RBMS1: variants seen among roughly 807,000 people sequenced by gnomAD.
RBMS1 encodes the protein RNA-binding motif, single-stranded-interacting protein 1.
A neutral mutation model predicts 62.3 loss-of-function variants in RBMS1; 17 were observed. The observed-to-expected ratio is 0.27, with a 90% CI of 0.19 to 0.41. The LOEUF (loss-of-function observed/expected upper bound fraction) is 0.41. Among genes scored for constraint, RBMS1 ranks in the 10% least tolerant of loss-of-function variants. The pLI, the probability that RBMS1 is intolerant of heterozygous loss-of-function variation, is 1.00. For synonymous variants in RBMS1, 172 were observed against 170.0 expected, an observed-to-expected ratio of 1.01 and a Z score of -0.09; for missense variants, 334 against 504.5, an observed-to-expected ratio of 0.66 and a Z score of 3.24.
chr2:160,297,193 A>C (rs1428021934), intron 6 of RBMS1, among the ~76,000 whole-genome samples: 1 of 152,192 alleles, frequency 6.6e-6, no homozygotes, highest in Non-Finnish European at 1.5e-5. Context: ...GATGACTAAA[A>C]TTACAGGGGA....
intron 9 of RBMS1, chr2:160,282,317 AAAGTT>A: frequency 1.5e-6 from 2 of 1,367,804 alleles, no homozygotes; most frequent in South Asian, 2.3e-5. Flanking sequence ...AAGGCAGACC[AAAGTT>A]AAGTGCTTCT....
chr2:160,365,155 C>T (rs185840225), intron 2 of RBMS1, among the ~76,000 whole-genome samples: 3 of 152,282 alleles, frequency 2.0e-5, no homozygotes, highest in Non-Finnish European at 4.4e-5. Flanking sequence ...CATTCTAAGG[C>T]ACGAAACTCT....
intron 1 of RBMS1, among the ~76,000 whole-genome samples, chr2:160,412,123 G>T (rs1273951474): frequency 6.6e-6 from 1 of 152,154 alleles, no homozygotes; most frequent in African/African-American, 2.4e-5. Flanking sequence ...AAGCCAGGAG[G>T]TGTATACCAA....
chr2:160,367,162 ATAT>A, intron 2 of RBMS1, 51 bp downstream of exon 2: 1 of 1,548,212 alleles, frequency 6.5e-7, no homozygotes, highest in Non-Finnish European at 8.9e-7. Context: ...TCACTCTATA[ATAT>A]GATCAAGAAA....
intron 1 of RBMS1, among the ~76,000 whole-genome samples, chr2:160,426,272 A>AG (rs1326270401): frequency 7.9e-6 from 1 of 127,328 alleles, no homozygotes; most frequent in Admixed American, 8.4e-5. Flanking sequence ...AAAGAAAGAA[A>AG]GAAAGAAAGA....
chr2:160,427,413 G>A (rs1451608729), intron 1 of RBMS1, among the ~76,000 whole-genome samples: 1 of 152,030 alleles, frequency 6.6e-6, no homozygotes, highest in Non-Finnish European at 1.5e-5. Flanking sequence ...AATAGGTAAA[G>A]AGAACTGAGT....
chr2:160,362,827 T>A (rs911267190), intron 2 of RBMS1, among the ~76,000 whole-genome samples: 1 of 152,056 alleles, frequency 6.6e-6, no homozygotes, highest in Non-Finnish European at 1.5e-5. Context: ...GAGGTATGCC[T>A]GTACCCCTTC....
At chr2:160,426,779 T>G (rs1159199619) in intron 1 of RBMS1, among the ~76,000 whole-genome samples, 1 of 152,164 alleles carries the variant, frequency 6.6e-6, no homozygotes, top group Non-Finnish European at 1.5e-5. Flanking sequence ...TCATTCCGGG[T>G]GACTTCTAAA....
intron 2 of RBMS1, among the ~76,000 whole-genome samples, chr2:160,333,889 G>A (rs1302819467): frequency 1.3e-5 from 2 of 151,856 alleles, no homozygotes; most frequent in African/African-American, 2.4e-5. Flanking sequence ...TCAGAGAGAT[G>A]AAGCCCCATA....
In RBMS1 at chr2:160,493,364, G is replaced by A. The variant is rs1276153986; in HGVS notation, c.-1C>T. On this transcript the variant is annotated 5_prime_UTR_variant, in exon 1 of 14. Coordinates refer to ENST00000348849, the MANE Select transcript of RBMS1 (RefSeq NM_016836.4). ...TCTGCTGTTTCCACACTTTGCCCAT[G>A]AAGCTGGAAGGGAGCCTGCCGTGCA... is the stretch of plus-strand genomic sequence containing the variant. 1.2e-6 allele frequency: 2 copies of A among 1,613,258 alleles called. No individual in the cohort carries two copies. Among genetic ancestry groups the A allele is most frequent in the South Asian group, 2.2e-5 (2 of 91,064 alleles).
chr2:160,433,612 G>T (rs994860551), intron 1 of RBMS1, among the ~76,000 whole-genome samples: 2 of 152,178 alleles, frequency 1.3e-5, no homozygotes, highest in Admixed American at 1.3e-4. Flanking sequence ...TTTACATACA[G>T]TATGTCAATG....
chr2:160,350,590 A>T (rs1328775124), intron 2 of RBMS1, among the ~76,000 whole-genome samples: 1 of 152,154 alleles, frequency 6.6e-6, no homozygotes, highest in Non-Finnish European at 1.5e-5. Context: ...GAAAGGAATG[A>T]ACAACAATGG....
rs1032001694 is a variant in RBMS1 at position 160,407,860 on chromosome 2, A to G, written c.76-40469T>C. ...ACTCTCCCGGCGGCAGCGGAGGAGC[A>G]GCGCCGCCGCGTCCCCACCTACCGC... On this transcript the variant is annotated intron_variant, in intron 1 of 13. Transcript: ENST00000348849. 113 of 981,128 alleles carry G rather than the reference A, an allele frequency of 1.2e-4. No individual in the cohort carries two copies. In the African/African-American group the frequency reaches 1.8e-3, roughly 16 times the overall value. The allele number at this position is 981,128 out of a possible 1,614,324, so 60.8% of individuals were successfully genotyped here. A position where few individuals can be genotyped will look rare whatever the true frequency, so the allele number is the denominator to read the frequency against.
At chr2:160,340,860 T>TA (rs1559409139) in intron 2 of RBMS1, among the ~76,000 whole-genome samples, 1 of 152,190 alleles carries the variant, frequency 6.6e-6, no homozygotes, top group East Asian at 1.9e-4. Context: ...ATGTAAGTCT[T>TA]AGAGGCATGA....
intron 1 of RBMS1, among the ~76,000 whole-genome samples, chr2:160,401,590 C>CA (rs555898874): frequency 2.6e-5 from 4 of 151,460 alleles, no homozygotes; most frequent in Admixed American, 6.6e-5. Flanking sequence ...TGTCCAAGGA[C>CA]AAAAAAAATG....
chr2:160,350,565 G>T (rs995990102), intron 2 of RBMS1, among the ~76,000 whole-genome samples: 8 of 152,094 alleles, frequency 5.3e-5, no homozygotes, highest in African/African-American at 7.2e-5. Context: ...AGGAAAGCAG[G>T]GGAGAGGAGG....
intron 1 of RBMS1, among the ~76,000 whole-genome samples, chr2:160,400,756 A>G (rs1288757547): frequency 6.6e-6 from 1 of 152,190 alleles, no homozygotes; most frequent in Non-Finnish European, 1.5e-5. Flanking sequence ...GAAAATTTTA[A>G]GTTATTAAGT....
intron 1 of RBMS1, among the ~76,000 whole-genome samples, chr2:160,370,350 C>T (rs1458199411): frequency 1.3e-5 from 2 of 152,136 alleles, no homozygotes; most frequent in Non-Finnish European, 2.9e-5. Flanking sequence ...GTCACTGAAA[C>T]TGGGCCGGGC....
chr2:160,372,161 T>C (rs545193105), intron 1 of RBMS1, among the ~76,000 whole-genome samples: 3 of 152,346 alleles, frequency 2.0e-5, no homozygotes, highest in Non-Finnish European at 4.4e-5. Flanking sequence ...ACCAATCTTA[T>C]AGCTGAAGCT....
Sources: allele counts gnomAD v4.1 joint callset (sites outside exome capture counted in the v4.1 genomes callset), GRCh38; gene constraint gnomAD v4.1.1; transcripts MANE v1.5; gene names NCBI Gene and HGNC (gene_info 2026-07-23, HGNC 2026-07-21).